DSP: variants seen among roughly 807,000 people sequenced by gnomAD.
DSP encodes desmoplakin.
In DSP, 114 loss-of-function variants were observed where a neutral mutation model predicts 290.6. That is an observed-to-expected ratio of 0.39 (90% CI 0.34 to 0.46). The LOEUF (loss-of-function observed/expected upper bound fraction) is 0.46, where lower values mean the gene tolerates loss of function less well. Among genes scored for constraint, DSP ranks in the 20% least tolerant of loss-of-function variants. DSP has a pLI of 0.99. For missense variants in DSP, 3,230 were observed against 3,495.8 expected (o/e 0.92, Z 1.92); for synonymous variants, 1,311 against 1,316.4 (o/e 1.00, Z 0.09).
intron 9 of DSP, 56 bp from the exon 10 acceptor site, chr6:7,567,725 G>A: frequency 6.2e-7 from 1 of 1,611,568 alleles, no homozygotes; most frequent in South Asian, 1.1e-5. Flanking sequence ...AGAACTACTA[G>A]ATGAAATTGC....
At position 7,575,286 on chromosome 6, in the gene DSP, A is replaced by G. The variant is rs1380636110; in HGVS notation, c.2437-9A>G. On this transcript the variant is annotated splice_polypyrimidine_tract_variant and intron_variant, in intron 17 of 23. Transcript: ENST00000379802. Reference sequence around the variant, plus strand: ...TTAATTTGCAATCTTTTTTTTTTTCATCTTGCAGAAAATAAAAAATGACTT... The same window carrying G: ...TTAATTTGCAATCTTTTTTTTTTTCGTCTTGCAGAAAATAAAAAATGACTT... 3 of 1,605,610 alleles carry G rather than the reference A, an allele frequency of 1.9e-6. No homozygotes were observed. Among genetic ancestry groups the G allele is most frequent in the East Asian group, 4.5e-5 (2 of 44,816 alleles).
chr6:7,576,575 C>A, intron 19 of DSP, 119 bp downstream of exon 19: 3 of 1,330,516 alleles, frequency 2.3e-6, no homozygotes, highest in Non-Finnish European at 3.2e-6. Flanking sequence ...ATATTACTAA[C>A]CCATTTTGTG....
intron 8 of DSP, among the ~76,000 whole-genome samples, chr6:7,566,717 T>C (rs914982780): frequency 4.6e-5 from 7 of 152,194 alleles, no homozygotes; most frequent in African/African-American, 1.7e-4. Flanking sequence ...CCTGCTATTA[T>C]AGTGCAGAAG....
At chr6:7,558,019 G>C (rs185854201) in intron 2 of DSP, 97 bp from the exon 3 acceptor site, 131 of 1,444,384 alleles carry the variant, frequency 9.1e-5, no homozygotes, top group Admixed American at 7.7e-4. Flanking sequence ...TACAGTTTTT[G>C]TCATGTTTAC....
At chr6:7,575,534 G>A in intron 18 of DSP, 46 bp downstream of exon 18, 1 of 1,610,560 alleles carries the variant, frequency 6.2e-7, no homozygotes, top group Non-Finnish European at 8.5e-7. Flanking sequence ...TCCCCTTTTG[G>A]TTGTTCACAA....
In DSP at chr6:7,541,807, C is replaced by T. The variant is rs1045295149; in HGVS notation, c.-109C>T. The stretch of plus-strand genomic sequence containing the variant: ...CGACCTCGCGAGCCTTCCGCACTCC[C>T]GCCCGGTTCCCCGGCCGTCCGCCTA... On this transcript the variant is annotated 5_prime_UTR_variant, in exon 1 of 24. Transcript: ENST00000379802. The T allele has an allele frequency of 7.1e-7, 1 of 1,409,044 alleles. No homozygotes were observed. The highest frequency in any genetic ancestry group is 9.5e-7 in the Non-Finnish European group (1 of 1,057,746). The allele number at this position is 1,409,044 out of a possible 1,614,324, so 87.3% of individuals were successfully genotyped here. A position where few individuals can be genotyped will look rare whatever the true frequency, so the allele number is the denominator to read the frequency against.
At chr6:7,563,260 C>T (rs1484979657) in intron 5 of DSP, among the ~76,000 whole-genome samples, 2 of 151,824 alleles carry the variant, frequency 1.3e-5, no homozygotes, top group Non-Finnish European at 2.9e-5. Flanking sequence ...AAAATCATAA[C>T]TGATCTTAAG....
At chr6:7,547,477 G>A (rs2113640200) in intron 1 of DSP, among the ~76,000 whole-genome samples, 1 of 152,230 alleles carries the variant, frequency 6.6e-6, no homozygotes, top group Non-Finnish European at 1.5e-5. Flanking sequence ...GCTCAGGCTG[G>A]AGTGCAGTGG....
rs377148997 is a variant in DSP, at chr6:7,585,677, C to T, written c.8415C>T (p.Ala2805=). Residue 2805 remains alanine (A), a synonymous_variant, in exon 24 of 24, where the codon GCC becomes GCT. Coordinates refer to ENST00000379802, the MANE Select transcript of DSP (RefSeq NM_004415.4). ...TCACTGGGCTGCGCCTTCTGGAAGC[C>T]GCCTCCGTGTCGTCCAAGGGCTTAC... ...EDITGLRLLE[A]ASVSSKGLPS... 58 of 1,614,074 alleles carry T rather than the reference C, an allele frequency of 3.6e-5. No homozygotes were observed. In the African/African-American group the frequency reaches 6.8e-4, roughly 19 times the overall value.
In DSP at chr6:7,583,923, G is replaced by A; in HGVS notation, c.6661G>A (p.Glu2221Lys). Residue 2221 changes from glutamate to lysine, a missense_variant, in exon 24 of 24, where the codon GAG becomes AAG. Glu to Lys is a moderately conservative substitution (Grantham distance 56). This residue lies in a region of DSP where 207 missense variants were observed against 281.2 expected (regional missense o/e 0.74). Transcript: ENST00000379802. This position sits in a 1 kb window ranked among gnomAD's most constrained non-coding sequence, Gnocchi z 4.0. ...AATCAGACAACCTGTGACCGTCACT[G>A]AGCTAGTAGATTCTGGTATATTGAG... Reference protein sequence around the residue: ...QGIRQPVTVTELVDSGILRPS... With the variant: ...QGIRQPVTVTKLVDSGILRPS... 1 of 1,614,136 alleles carries A rather than the reference G, an allele frequency of 6.2e-7. No homozygotes were observed. The highest frequency in any genetic ancestry group is 8.5e-7 in the Non-Finnish European group (1 of 1,180,042).
chr6:7,548,480 A>G (rs1381546053), intron 1 of DSP, among the ~76,000 whole-genome samples: 3 of 152,116 alleles, frequency 2.0e-5, no homozygotes, highest in Non-Finnish European at 4.4e-5. Context: ...AGGCTGTATA[A>G]CTGGAAGTGG....
intron 1 of DSP, among the ~76,000 whole-genome samples, chr6:7,545,357 G>A (rs540677681): frequency 4.6e-5 from 7 of 152,144 alleles, no homozygotes; most frequent in African/African-American, 9.7e-5. Context: ...AACCCCACAC[G>A]CACACTTCAG....
Position 7,585,537 on chromosome 6 carries a change from C to T in DSP, c.8275C>T (p.Arg2759Cys), listed in dbSNP as rs148254632. 6.2e-6 allele frequency: 10 copies of T among 1,613,992 alleles called. No homozygotes were observed. Among genetic ancestry groups the T allele is most frequent in the South Asian group, 1.1e-5 (1 of 91,080 alleles). ...CATCCGGAAGGGGTTCATAGATGGC[C>T]GCGCCGCACAGAGGCTGCAAGACAC... ...EAIRKGFIDG[R>C]AAQRLQDTSS... The change falls in exon 24 of 24, where the codon CGC becomes TGC. Residue 2759 changes from arginine to cysteine, a missense_variant. This residue lies in a region of DSP where 582 missense variants were observed against 555.4 expected (regional missense o/e 1.05). Coordinates refer to ENST00000379802, the MANE Select transcript of DSP (RefSeq NM_004415.4).
chr6:7,551,111 AAC>A (rs1758328899), intron 1 of DSP, among the ~76,000 whole-genome samples: 2 of 152,202 alleles, frequency 1.3e-5, no homozygotes, highest in Non-Finnish European at 2.9e-5. Flanking sequence ...CCATGAACTT[AAC>A]ATAGACATTT....
At chr6:7,556,645 G>A (rs1213143774) in intron 2 of DSP, among the ~76,000 whole-genome samples, 3 of 152,064 alleles carry the variant, frequency 2.0e-5, no homozygotes, top group South Asian at 4.1e-4. Flanking sequence ...ATGAATTTAC[G>A]GGCTCTGTTT....
chr6:7,584,782 CCAT>C lies in DSP; in HGVS notation c.7523_7525del (p.Ile2508del). 6.2e-7 allele frequency: 1 copy of C among 1,614,198 alleles called. No homozygotes were observed. Among genetic ancestry groups the C allele is most frequent in the Non-Finnish European group, 8.5e-7 (1 of 1,180,036 alleles). On this transcript the variant is annotated inframe_deletion, in exon 24 of 24. Coordinates refer to ENST00000379802, the MANE Select transcript of DSP (RefSeq NM_004415.4). This position sits in a 1 kb window ranked among gnomAD's most constrained non-coding sequence, Gnocchi z 6.4. ...CAGGAATGTGAATGGGAAGAAATAACCATCACGGGATCAGATGGCTCCACCAGG... is the reference window on the plus strand; with the variant it reads ...CAGGAATGTGAATGGGAAGAAATAACCACGGGATCAGATGGCTCCACCAGG...
chr6:7,563,073 C>T (rs1758752180), intron 5 of DSP, among the ~76,000 whole-genome samples: 1 of 152,136 alleles, frequency 6.6e-6, no homozygotes, highest in Non-Finnish European at 1.5e-5. Context: ...GTAAGCAGAA[C>T]ATCTTTTTGA....
rs1759045865 is a variant in DSP at position 7,571,393 on chromosome 6, T to C, written c.1712T>C (p.Met571Thr). 1.2e-6 allele frequency: 2 copies of C among 1,614,014 alleles called. No individual in the cohort carries two copies. The highest frequency in any genetic ancestry group is 1.7e-5 in the Admixed American group (1 of 60,006). Reference protein sequence around the residue: ...RAMTIAKLKTMRQEDYMKTIA... With the variant: ...RAMTIAKLKTTRQEDYMKTIA... ...CCTGTCTCCTTTCAGCTGAAAACAA[T>C]GCGGCAGGAAGATTACATGAAGACG... is the stretch of plus-strand genomic sequence containing the variant. Residue 571 changes from methionine (M) to threonine (T), a missense_variant, in exon 14 of 24, where the codon ATG (methionine) becomes ACG (threonine). Coordinates refer to ENST00000379802, the MANE Select transcript of DSP (RefSeq NM_004415.4).
At chr6:7,560,079 T>A (rs766106270) in intron 4 of DSP, among the ~76,000 whole-genome samples, 3 of 152,236 alleles carry the variant, frequency 2.0e-5, no homozygotes, top group Non-Finnish European at 4.4e-5. Context: ...TGTCCTATAA[T>A]GAACAGGTGG....
Sources: allele counts gnomAD v4.1 joint callset (sites outside exome capture counted in the v4.1 genomes callset), GRCh38; gene constraint gnomAD v4.1.1; regional missense constraint gnomAD v4.1.1; non-coding constraint Gnocchi (gnomAD v3.1); transcripts MANE v1.5; gene names NCBI Gene and HGNC (gene_info 2026-07-23, HGNC 2026-07-21).